The following WWOX variants were observed in gnomAD, a reference collection of about 807,000 sequenced individuals.
The protein encoded by WWOX is WW domain-containing oxidoreductase.
Under a neutral mutation model 46.2 loss-of-function variants are expected in WWOX, and 69 were observed. The ratio of observed to expected loss-of-function variants is 1.49; its 90% CI spans 1.23 to 1.82. The LOEUF (loss-of-function observed/expected upper bound fraction) is 1.82, where lower values mean the gene tolerates loss of function less well. Among genes scored for constraint, WWOX ranks in the 40% most tolerant of loss-of-function variants. The pLI, the probability that WWOX is intolerant of heterozygous loss-of-function variation, is 0.00. For synonymous variants in WWOX, 359 were observed against 202.6 expected (o/e 1.77, Z -6.56); for missense variants, 919 against 542.6 (o/e 1.69, Z -6.89).
At chr16:78,259,351 G>C (rs1380001146) in intron 5 of WWOX, among the ~76,000 whole-genome samples, 1 of 152,194 alleles carries the variant, frequency 6.6e-6, no homozygotes, top group Non-Finnish European at 1.5e-5. Context: ...TTTTGAGACA[G>C]AGTCTTGCTC....
chr16:78,636,070 G>C (rs1246011458), intron 8 of WWOX, among the ~76,000 whole-genome samples: 1 of 152,174 alleles, frequency 6.6e-6, no homozygotes, highest in African/African-American at 2.4e-5. Context: ...TTTCCTAGGA[G>C]AGACATCTGC....
At chr16:78,571,139 A>G (rs2044706590) in intron 8 of WWOX, among the ~76,000 whole-genome samples, 1 of 152,194 alleles carries the variant, frequency 6.6e-6, no homozygotes, top group Non-Finnish European at 1.5e-5. Flanking sequence ...AGAAATGTAC[A>G]TTTCTGAAAA....
intron 5 of WWOX, among the ~76,000 whole-genome samples, chr16:78,183,134 C>T (rs762768456): frequency 1.2e-4 from 18 of 152,016 alleles, no homozygotes; most frequent in Non-Finnish European, 2.1e-4. Context: ...CTATACCAGC[C>T]GTCCCACTGG....
rs1186754219 is a variant in WWOX at position 78,350,185 on chromosome 16, T to A, written c.517-36675T>A. Among the ~76,000 whole-genome samples, 3 of 121,336 alleles carry A rather than the reference T, an allele frequency of 2.5e-5. 1 individual carries two copies. Among genetic ancestry groups the A allele is most frequent in the Non-Finnish European group, 5.9e-5 (3 of 50,734 alleles). The allele number at this position is 121,336 out of a possible 152,430, so 79.6% of individuals were successfully genotyped here. A position where few individuals can be genotyped will look rare whatever the true frequency, so the allele number is the denominator to read the frequency against. On this transcript the variant is annotated intron_variant, in intron 5 of 8. Transcript: ENST00000566780. ...ACAATCTCATCAGAGTCCCAATAGT[T>A]GCCTGATATGTCTCCATCAGTTGTG...
chr16:78,870,290 G>T (rs767737932), intron 8 of WWOX, among the ~76,000 whole-genome samples: 1 of 152,086 alleles, frequency 6.6e-6, no homozygotes, highest in Non-Finnish European at 1.5e-5. Flanking sequence ...CTAAATAAAT[G>T]TATAGACACA....
chr16:78,575,049 ATATATATATATATATATATAT>A (rs2044834282), intron 8 of WWOX, among the ~76,000 whole-genome samples: 1 of 11,088 alleles, frequency 9.0e-5, no homozygotes, highest in African/African-American at 2.7e-4. Context: ...ATATATATAT[ATATATATATATATATATATAT>A]ATATATATAT....
rs781161028 is a variant in WWOX at position 78,447,384 on chromosome 16, G to A, written c.1056+14632G>A. 2.2e-4 allele frequency among the ~76,000 whole-genome samples: 33 copies of A among 152,190 alleles called. 1 individual carries two copies. The highest frequency in any genetic ancestry group is 7.4e-5 in the Non-Finnish European group (5 of 68,026). Reference sequence around the variant, plus strand: ...TCATCATGTAGAATTTCTACATCCTGCAGAAGTTTAAGAAAATTGTCTTCC... The same window carrying A: ...TCATCATGTAGAATTTCTACATCCTACAGAAGTTTAAGAAAATTGTCTTCC... On this transcript the variant is annotated intron_variant, in intron 8 of 8. Coordinates refer to ENST00000566780, the MANE Select transcript of WWOX (RefSeq NM_016373.4).
intron 7 of WWOX, among the ~76,000 whole-genome samples, chr16:78,426,549 A>C (rs373360990): frequency 6.6e-6 from 1 of 152,142 alleles, no homozygotes; most frequent in Admixed American, 6.5e-5. Context: ...CTTGAATTAG[A>C]CCTATGTTAG....
chr16:78,785,852 TA>T (rs2050442793), intron 8 of WWOX, among the ~76,000 whole-genome samples: 1 of 152,070 alleles, frequency 6.6e-6, no homozygotes, highest in South Asian at 2.1e-4. Context: ...CTGCTACTCA[TA>T]ATGTAGCATC....
At chr16:79,140,163 C>G (rs902420058) in intron 8 of WWOX, among the ~76,000 whole-genome samples, 1 of 152,148 alleles carries the variant, frequency 6.6e-6, no homozygotes, top group South Asian at 2.1e-4. Context: ...TGGTAAAGGA[C>G]TTTATCTGCA....
At position 79,104,943 on chromosome 16, in the gene WWOX, G is replaced by A. The variant is rs56075997; in HGVS notation, c.1057-106665G>A. On this transcript the variant is annotated intron_variant, in intron 8 of 8. Coordinates refer to ENST00000566780, the MANE Select transcript of WWOX (RefSeq NM_016373.4). ...TAATTACTCAGGAGCAAAGCAGGTCGTTAGGGGTCAGGGGGAGGGTGCACC... is the reference window on the plus strand; with the variant it reads ...TAATTACTCAGGAGCAAAGCAGGTCATTAGGGGTCAGGGGGAGGGTGCACC... Among the ~76,000 whole-genome samples, 626 of 152,288 alleles carry A rather than the reference G, an allele frequency of 4.1e-3. 5 individuals are homozygous for A. The highest frequency in any genetic ancestry group is 0.014 in the African/African-American group (593 of 41,562).
intron 8 of WWOX, among the ~76,000 whole-genome samples, chr16:78,624,360 A>G (rs1318154128): frequency 1.3e-5 from 2 of 152,116 alleles, no homozygotes; most frequent in East Asian, 1.9e-4. Flanking sequence ...AATTGTCTGG[A>G]TGTTCCTTTT....
At chr16:78,798,100 G>A (rs551778752) in intron 8 of WWOX, among the ~76,000 whole-genome samples, 1 of 152,242 alleles carries the variant, frequency 6.6e-6, no homozygotes, top group African/African-American at 2.4e-5. Context: ...AGAGAGATGG[G>A]GTAGCTTGCT....
chr16:78,939,505 A>C (rs2045809437), intron 8 of WWOX, among the ~76,000 whole-genome samples: 1 of 152,208 alleles, frequency 6.6e-6, no homozygotes, highest in Admixed American at 6.5e-5. Flanking sequence ...GTTTGTTTCA[A>C]GTCTAGTCTG....
intron 8 of WWOX, among the ~76,000 whole-genome samples, chr16:78,624,671 T>A (rs1440911513): frequency 6.6e-6 from 1 of 152,188 alleles, no homozygotes; most frequent in Non-Finnish European, 1.5e-5. Context: ...ACCCTCACTT[T>A]TATTGCAGCA....
At chr16:78,915,012 C>G (rs1001178978) in intron 8 of WWOX, among the ~76,000 whole-genome samples, 16 of 151,956 alleles carry the variant, frequency 1.1e-4, no homozygotes, top group African/African-American at 3.1e-4. Flanking sequence ...GTGGTTCACA[C>G]CAAAAACATA....
At chr16:78,287,023 T>A (rs1369845252) in intron 5 of WWOX, among the ~76,000 whole-genome samples, 1 of 152,206 alleles carries the variant, frequency 6.6e-6, no homozygotes, top group Non-Finnish European at 1.5e-5. Context: ...CCCTTCTGAC[T>A]TTTTTCTCCA....
chr16:78,719,208 C>A (rs1405830794), intron 8 of WWOX, among the ~76,000 whole-genome samples: 2 of 152,182 alleles, frequency 1.3e-5, no homozygotes, highest in Admixed American at 6.5e-5. Context: ...CAGAAACAGT[C>A]AGTGCAGGTA....
intron 8 of WWOX, among the ~76,000 whole-genome samples, chr16:78,464,274 T>C (rs1160965129): frequency 6.9e-6 from 1 of 143,934 alleles, no homozygotes; most frequent in Non-Finnish European, 1.5e-5. Flanking sequence ...GACAGGGAGA[T>C]GGAGGGAGGC....
Sources: gnomAD v4.1 joint callset for allele counts (sites outside exome capture counted in the v4.1 genomes callset) on GRCh38, gnomAD v4.1.1 for gene constraint, MANE v1.5 for transcripts, NCBI Gene and HGNC (gene_info 2026-07-23, HGNC 2026-07-21) for gene names.